GRHL2: variants seen among roughly 807,000 people sequenced by gnomAD.
The protein encoded by GRHL2 is grainyhead like transcription factor 2.
GRHL2 carries 21 observed loss-of-function variants against 83.8 expected under a neutral mutation model. That is an observed-to-expected ratio of 0.25 (90% confidence interval 0.18 to 0.36). The LOEUF is 0.36. Ranked by LOEUF, GRHL2 falls within the 10% of genes least tolerant of loss-of-function variation. The pLI is 1.00. For missense variants in GRHL2, 623 were observed against 781.8 expected (o/e 0.80, Z 2.42); for synonymous variants, 280 against 278.9 (o/e 1.00, Z -0.04).
chr8:101,504,855 ACTT>A lies in GRHL2; in HGVS notation c.20+12070_20+12072del, dbSNP rs547277919. On this transcript the variant is annotated intron_variant, in intron 1 of 15. Transcript: ENST00000646743. ...AATGGAAGTGTTGTCGCCAACGTGA[ACTT>A]CTTTGCTTATCAACCTATCCAAGAA... Among the ~76,000 whole-genome samples the A allele has an allele frequency of 3.3e-5, 5 of 151,928 alleles. No individual in the cohort carries two copies. In the South Asian group the frequency reaches 1.0e-3, roughly 32 times the overall value.
At chr8:101,506,487 A>G (rs1452226668) in intron 1 of GRHL2, among the ~76,000 whole-genome samples, 2 of 152,192 alleles carry the variant, frequency 1.3e-5, no homozygotes, top group Non-Finnish European at 2.9e-5. Flanking sequence ...TGCATTTTCC[A>G]CTTAATACTA....
intron 6 of GRHL2, among the ~76,000 whole-genome samples, chr8:101,576,290 T>A (rs1008264251): frequency 2.0e-5 from 3 of 152,202 alleles, no homozygotes; most frequent in Non-Finnish European, 4.4e-5. Context: ...CACTACTCAT[T>A]GAAGCCTCAA....
intron 2 of GRHL2, among the ~76,000 whole-genome samples, chr8:101,548,921 C>G (rs1000444324): frequency 5.9e-5 from 9 of 152,164 alleles, no homozygotes; most frequent in Non-Finnish European, 8.8e-5. Flanking sequence ...TTTGGAATCC[C>G]TATTCTTCTA....
At chr8:101,579,632 G>C (rs755569574) in intron 7 of GRHL2, among the ~76,000 whole-genome samples, 1 of 152,114 alleles carries the variant, frequency 6.6e-6, no homozygotes, top group Non-Finnish European at 1.5e-5. Flanking sequence ...TGCTCACATA[G>C]AGAGAGAAAA....
At chr8:101,621,085 C>A (rs1357984) in intron 9 of GRHL2, among the ~76,000 whole-genome samples, 70,875 of 151,912 alleles carry the variant, frequency 0.47, 17,444 homozygotes, top group African/African-American at 0.62. Flanking sequence ...TCTGTGAACA[C>A]ACCAGATGGG....
chr8:101,612,850 C>T (rs1217012368), intron 8 of GRHL2, among the ~76,000 whole-genome samples: 1 of 150,946 alleles, frequency 6.6e-6, no homozygotes. Flanking sequence ...GTACCCTCCT[C>T]TTAAGGGCTT....
At chr8:101,604,555 G>A (rs897997498) in intron 8 of GRHL2, among the ~76,000 whole-genome samples, 2 of 152,132 alleles carry the variant, frequency 1.3e-5, no homozygotes, top group African/African-American at 4.8e-5. Flanking sequence ...TAAAGATGCT[G>A]CTTAGTGCTT....
chr8:101,636,061 C>G lies in GRHL2; in HGVS notation c.1486-836C>G, dbSNP rs967879939. ...ATACTAACTCAGGTATTATTCTTCA[C>G]TCAAAGGCAACAGTCCTGACACACA... On this transcript the variant is annotated intron_variant, in intron 11 of 15. Coordinates refer to ENST00000646743, the MANE Select transcript of GRHL2 (RefSeq NM_024915.4). Among the ~76,000 whole-genome samples, 4 of 152,186 alleles carry G rather than the reference C, an allele frequency of 2.6e-5. No homozygotes were observed. The East Asian group carries it at 7.7e-4, about 29-fold the overall frequency.
intron 13 of GRHL2, among the ~76,000 whole-genome samples, chr8:101,647,200 C>G (rs1440634606): frequency 1.3e-5 from 2 of 152,076 alleles, no homozygotes; most frequent in African/African-American, 4.8e-5. Flanking sequence ...CCCCTCTCTA[C>G]TAAAAATACA....
In GRHL2 at chr8:101,668,359, C is replaced by G. The variant is rs1156600404; in HGVS notation, c.*1656C>G. ...GCCCGCTCTCTAAGGGCTTCCTGCG[C>G]TCCCACCTCATCTGTCCCTGAGATG... On this transcript the variant is annotated 3_prime_UTR_variant, in exon 16 of 16. Transcript: ENST00000646743. 6.5e-6 allele frequency: 1 copy of G among 152,704 alleles called. No individual in the cohort carries two copies. Among genetic ancestry groups the G allele is most frequent in the African/African-American group, 2.4e-5 (1 of 41,452 alleles). 9.5% of individuals were successfully genotyped at this position (152,704 alleles called of 1,614,324 possible).
chr8:101,592,057 G>A (rs1208279207), intron 7 of GRHL2, among the ~76,000 whole-genome samples: 1 of 150,260 alleles, frequency 6.7e-6, no homozygotes, highest in African/African-American at 2.5e-5. Flanking sequence ...GACAGTTGAC[G>A]TAGGACCTTA....
chr8:101,681,187 A>C, the GRHL2 span, among the ~76,000 whole-genome samples: 1 of 136,560 alleles, frequency 7.3e-6, no homozygotes, highest in Non-Finnish European at 1.6e-5. Flanking sequence ...TAGCAAGACT[A>C]ATAAAGAAGA....
At chr8:101,635,015 T>C (rs1228352189) in intron 11 of GRHL2, among the ~76,000 whole-genome samples, 2 of 152,154 alleles carry the variant, frequency 1.3e-5, no homozygotes, top group Admixed American at 6.5e-5. Flanking sequence ...AGCGGCATCA[T>C]CTTTTTAGAT....
At chr8:101,671,419 C>T (rs891899709), downstream of GRHL2, among the ~76,000 whole-genome samples, 2 of 152,172 alleles carry the variant, frequency 1.3e-5, no homozygotes, top group South Asian at 4.1e-4. Context: ...ATTGCTAGCA[C>T]AGCAGTCTGA....
At chr8:101,634,520 A>G (rs1813248982) in intron 11 of GRHL2, among the ~76,000 whole-genome samples, 1 of 152,192 alleles carries the variant, frequency 6.6e-6, no homozygotes, top group Non-Finnish European at 1.5e-5. Context: ...AGGTCAATGG[A>G]TATGGCTGGT....
In GRHL2 at chr8:101,632,855, T is replaced by C. The variant is rs1006474137; in HGVS notation, c.1485+490T>C. 3.3e-5 allele frequency among the ~76,000 whole-genome samples: 5 copies of C among 152,294 alleles called. No homozygotes were observed. In the South Asian group the frequency reaches 1.0e-3, roughly 32 times the overall value. ...ATTTCACATCAAAAGAAAAATGAGG[T>C]TGTAGGCAAGCCCCCTTAAAAAAAT... On this transcript the variant is annotated intron_variant, in intron 11 of 15. Transcript: ENST00000646743.
intron 1 of GRHL2, among the ~76,000 whole-genome samples, chr8:101,520,820 C>T (rs1035527340): frequency 6.6e-6 from 1 of 152,162 alleles, no homozygotes; most frequent in Non-Finnish European, 1.5e-5. Context: ...TTTAGTCCTT[C>T]GATTGGGAGA....
intron 1 of GRHL2, among the ~76,000 whole-genome samples, chr8:101,495,624 T>TGA (rs1810084355): frequency 1.3e-5 from 2 of 152,186 alleles, no homozygotes; most frequent in Admixed American, 6.5e-5. Flanking sequence ...AGGTACTATG[T>TGA]GATTTGATAC....
At chr8:101,633,670 A>AAGTAG in intron 11 of GRHL2, among the ~76,000 whole-genome samples, 1 of 152,310 alleles carries the variant, frequency 6.6e-6, no homozygotes, top group East Asian at 1.9e-4. Flanking sequence ...GATAAGAACA[A>AAGTAG]GGACACAAAG....
Sources: gnomAD v4.1 joint callset for allele counts (sites outside exome capture counted in the v4.1 genomes callset) on GRCh38, gnomAD v4.1.1 for gene constraint, MANE v1.5 for transcripts, NCBI Gene and HGNC (gene_info 2026-07-23, HGNC 2026-07-21) for gene names.